The following TLN1 variants were observed in gnomAD, a reference collection of about 807,000 sequenced individuals.
TLN1 encodes the protein talin 1.
In TLN1, 56 loss-of-function variants were observed where a neutral mutation model predicts 292.3. The ratio of observed to expected loss-of-function variants is 0.19; its 90% CI spans 0.15 to 0.24. TLN1 has a LOEUF of 0.24. TLN1 is among the 10% of genes least tolerant of loss of function. The pLI is 1.00. For missense variants in TLN1, 2,433 were observed against 3,248.2 expected, an observed-to-expected ratio of 0.75 and a Z score of 6.10; for synonymous variants, 1,119 against 1,253.7, an observed-to-expected ratio of 0.89 and a Z score of 2.27.
rs1825735420 is a variant in TLN1, at chr9:35,714,202, C to T, written c.3120+37G>A. 3.1e-6 allele frequency: 5 copies of T among 1,597,032 alleles called. No homozygotes were observed. In the African/African-American group the frequency reaches 6.7e-5, roughly 21 times the overall value. Reference sequence around the variant, plus strand: ...CAGATTTCCTCTCATCACAGGACTCCAGCCTCATCTTCCAAAGCCAGAACC... The same window carrying T: ...CAGATTTCCTCTCATCACAGGACTCTAGCCTCATCTTCCAAAGCCAGAACC... On this transcript the variant is annotated intron_variant, in intron 24 of 56. Transcript: ENST00000314888. The surrounding 1 kb of genome is among the most constrained non-coding windows in gnomAD (Gnocchi z 4.6).
chr9:35,703,920 C>G lies in TLN1; in HGVS notation c.6232-20G>C. ...TACCACCTGTGTGGGAAAGCGTTGG[C>G]TCTGGTCTATGGGAGGAAGAAGCGG... is the stretch of plus-strand genomic sequence containing the variant. On this transcript the variant is annotated intron_variant, in intron 46 of 56. Transcript: ENST00000314888. 1 of 1,614,068 alleles carries G rather than the reference C, an allele frequency of 6.2e-7. No homozygotes were observed. Among genetic ancestry groups the G allele is most frequent in the Non-Finnish European group, 8.5e-7 (1 of 1,180,000 alleles).
Position 35,724,566 on chromosome 9 carries a change from G to T in TLN1, c.511+6C>A. The T allele has an allele frequency of 6.2e-7, 1 of 1,612,574 alleles. No homozygotes were observed. The highest frequency in any genetic ancestry group is 1.1e-5 in the South Asian group (1 of 90,888). ...CAAAAGCCCTCTTTTTTCTAGTTCT[G>T]CTTACACTCATCATCTGTGTGCAAT... On this transcript the variant is annotated splice_donor_region_variant and intron_variant, in intron 5 of 56. Coordinates refer to ENST00000314888, the MANE Select transcript of TLN1 (RefSeq NM_006289.4). The surrounding 1 kb of genome is among the most constrained non-coding windows in gnomAD (Gnocchi z 4.7).
Position 35,719,844 on chromosome 9 carries a change from G to T in TLN1, c.1474C>A (p.Gln492Lys), listed in dbSNP as rs1371353477. Residue 492 changes from glutamine to lysine, a missense_variant, in exon 14 of 57, where the codon CAG becomes AAG. Gln to Lys is a moderately conservative substitution (Grantham distance 53). Transcript: ENST00000314888. This position sits in a 1 kb window ranked among gnomAD's most constrained non-coding sequence, Gnocchi z 4.6. ...TTAATGGTTCCAGTGAGTGCCTGCT[G>T]GGCTGAAGTCTAAAGACAAGTGGGG... is the stretch of plus-strand genomic sequence containing the variant. Reference protein sequence around the residue: ...RGHMPPLTSAQQALTGTINSS... With the variant: ...RGHMPPLTSAKQALTGTINSS... The T allele has an allele frequency of 6.3e-7, 1 of 1,585,458 alleles. No individual in the cohort carries two copies. Among genetic ancestry groups the T allele is most frequent in the Admixed American group, 1.8e-5 (1 of 54,446 alleles).
In TLN1 at chr9:35,722,921, G is replaced by A; in HGVS notation, c.783C>T (p.Asp261=). The change falls in exon 8 of 57, where the codon GAC becomes GAT. Residue 261 remains aspartate, a splice_region_variant and synonymous_variant. Transcript: ENST00000314888. The stretch of plus-strand genomic sequence containing the variant: ...ACTCCTTGGGCAGGAAGTCCTTCAG[G>A]CTACACCAGAAAAGGGAGGGTCAGC... ...NEQKHKAGFL[D]LKDFLPKEYV... is the part of the protein sequence containing the mutation. 6.2e-7 allele frequency: 1 copy of A among 1,613,796 alleles called. No individual in the cohort carries two copies. The highest frequency in any genetic ancestry group is 1.1e-5 in the South Asian group (1 of 91,078).
intron 17 of TLN1, 104 bp downstream of exon 17, chr9:35,718,708 G>C: frequency 1.1e-6 from 1 of 945,804 alleles, no homozygotes. Context: ...GTTCAGATTG[G>C]TTTTTAGGGG....
rs1285521113 is a variant in TLN1, at chr9:35,719,182, G to A, written c.1788C>T (p.Ala596=). The A allele has an allele frequency of 6.2e-7, 1 of 1,614,212 alleles. No homozygotes were observed. Among genetic ancestry groups the A allele is most frequent in the African/African-American group, 1.3e-5 (1 of 75,068 alleles). The change falls in exon 16 of 57, where the codon GCC becomes GCT. Residue 596 remains alanine (A), a synonymous_variant. Coordinates refer to ENST00000314888, the MANE Select transcript of TLN1 (RefSeq NM_006289.4). This position sits in a 1 kb window ranked among gnomAD's most constrained non-coding sequence, Gnocchi z 4.6. The part of the protein sequence containing the change: ...EMSRGVKLLA[A]LLEDEGGSGR... ...CACTGCCGCCTTCGTCCTCCAGCAA[G>A]GCAGCCAGCAGCTTCACCCCACGGG...
chr9:35,712,775 C>G, intron 27 of TLN1, 60 bp downstream of exon 27: 2 of 1,457,602 alleles, frequency 1.4e-6, no homozygotes, highest in Non-Finnish European at 1.9e-6. Flanking sequence ...TGGCCTCAAT[C>G]AGGGTGGGCC....
chr9:35,712,971 G>A lies in TLN1; in HGVS notation c.3425C>T (p.Thr1142Met), dbSNP rs778948183. Residue 1142 changes from threonine to methionine, a missense_variant, in exon 27 of 57, where the codon ACG becomes ATG. By Grantham distance (81) the Thr-to-Met change is moderately conservative. Coordinates refer to ENST00000314888, the MANE Select transcript of TLN1 (RefSeq NM_006289.4). Reference sequence around the variant, plus strand: ...AATGGCCTGCACTGCAGGATCTGACGTCAGTGCAGCGACTCCCCTAGCGGC... The same window carrying A: ...AATGGCCTGCACTGCAGGATCTGACATCAGTGCAGCGACTCCCCTAGCGGC... Reference protein sequence around the residue: ...AQAARGVAALTSDPAVQAIVL... With the variant: ...AQAARGVAALMSDPAVQAIVL... 34 of 1,610,424 alleles carry A rather than the reference G, an allele frequency of 2.1e-5. No homozygotes were observed. Among genetic ancestry groups the A allele is most frequent in the East Asian group, 2.0e-4 (9 of 44,786 alleles).
chr9:35,717,223 G>A lies in TLN1; in HGVS notation c.2381C>T (p.Pro794Leu). Residue 794 changes from proline (P) to leucine (L), a missense_variant, in exon 19 of 57, where the codon CCT becomes CTT. Transcript: ENST00000314888. The surrounding 1 kb of genome is among the most constrained non-coding windows in gnomAD (Gnocchi z 4.7). ...AGTAGCCTGGTCATAACGGCCAGCA[G>A]GCCCAGCCCCTGTGGCATGGGCTTT... ...HVKAHATGAG[P>L]AGRYDQATDT... is the part of the protein sequence containing the mutation. 1.2e-6 allele frequency: 2 copies of A among 1,614,184 alleles called. No individual in the cohort carries two copies. The highest frequency in any genetic ancestry group is 1.1e-5 in the South Asian group (1 of 91,086).
At position 35,724,301 on chromosome 9, in the gene TLN1, T is replaced by C. The variant is rs1825929167; in HGVS notation, c.545A>G (p.Glu182Gly). The change falls in exon 6 of 57, where the codon GAG becomes GGG. Residue 182 changes from glutamate to glycine, a missense_variant. Coordinates refer to ENST00000314888, the MANE Select transcript of TLN1 (RefSeq NM_006289.4). The surrounding 1 kb of genome is among the most constrained non-coding windows in gnomAD (Gnocchi z 4.7). ...NWLDHGRTLREQGVEEHETLL... is the reference protein window; with the variant it reads ...NWLDHGRTLRGQGVEEHETLL... ...CGTCTCGTGCTCCTCTACACCCTGCTCCCTCAGTGTCCGACCATGGTCCAG... is the reference window on the plus strand; with the variant it reads ...CGTCTCGTGCTCCTCTACACCCTGCCCCCTCAGTGTCCGACCATGGTCCAG... 6.2e-7 allele frequency: 1 copy of C among 1,614,048 alleles called. No homozygotes were observed. The highest frequency in any genetic ancestry group is 8.5e-7 in the Non-Finnish European group (1 of 1,180,026).
intron 11 of TLN1, 38 bp from the exon 12 acceptor site, chr9:35,720,547 AAAG>A: frequency 6.2e-6 from 10 of 1,602,014 alleles, no homozygotes; most frequent in Non-Finnish European, 8.6e-6. Flanking sequence ...TGGGATAGTT[AAAG>A]AAGAGGGAAG....
In TLN1 at chr9:35,697,920, AG is replaced by A; in HGVS notation, c.7501-5del. On this transcript the variant is annotated splice_region_variant and splice_polypyrimidine_tract_variant and intron_variant, in intron 56 of 56. Transcript: ENST00000314888. ...TTTCTTCCTGTGCTGCGATGATCTG[AG>A]GGTGGAGATCGGGGACTTAGTTCAG... The A allele has an allele frequency of 6.2e-7, 1 of 1,614,022 alleles. No individual in the cohort carries two copies. The highest frequency in any genetic ancestry group is 8.5e-7 in the Non-Finnish European group (1 of 1,180,004).
At position 35,697,632 on chromosome 9, in the gene TLN1, G is replaced by A; in HGVS notation, c.*159C>T. 1 of 1,077,158 alleles carries A rather than the reference G, an allele frequency of 9.3e-7. No homozygotes were observed. 66.7% of individuals were successfully genotyped at this position (1,077,158 alleles called of 1,614,324 possible). A position where few individuals can be genotyped will look rare whatever the true frequency, so the allele number is the denominator to read the frequency against. ...GCACTTGGGGTTGGGGAGGGGACAG[G>A]GGATGTACTGCGGGACTGGGCGGGG... On this transcript the variant is annotated 3_prime_UTR_variant, in exon 57 of 57. Transcript: ENST00000314888.
Position 35,697,696 on chromosome 9 carries a change from G to C in TLN1, c.*95C>G. 2 of 1,542,028 alleles carry C rather than the reference G, an allele frequency of 1.3e-6. No individual in the cohort carries two copies. The highest frequency in any genetic ancestry group is 8.8e-7 in the Non-Finnish European group (1 of 1,141,396). On this transcript the variant is annotated 3_prime_UTR_variant, in exon 57 of 57. Coordinates refer to ENST00000314888, the MANE Select transcript of TLN1 (RefSeq NM_006289.4). ...TTTGGCAGGCACTTTGGGGAGTGCT[G>C]GGGTTGGGCAGGTTGGGCCCCGACA...
At position 35,715,118 on chromosome 9, in the gene TLN1, T is replaced by C. The variant is rs781573640; in HGVS notation, c.2695A>G (p.Met899Val). ...TTCTGCGCAGCTGCATTGGTGGCCA[T>C]GCGCAGCCCCTCAGCTGCCTCCCGC... is the stretch of plus-strand genomic sequence containing the variant. ...RLREAAEGLR[M>V]ATNAAAQNAI... Residue 899 changes from methionine (M) to valine (V), a missense_variant, in exon 21 of 57, where the codon ATG becomes GTG. By Grantham distance (21) the Met-to-Val change is conservative. Coordinates refer to ENST00000314888, the MANE Select transcript of TLN1 (RefSeq NM_006289.4). 3.1e-6 allele frequency: 5 copies of C among 1,613,344 alleles called. No individual in the cohort carries two copies. Among genetic ancestry groups the C allele is most frequent in the Non-Finnish European group, 4.2e-6 (5 of 1,180,044 alleles).
At chr9:35,711,117 T>G in intron 30 of TLN1, 35 bp from the exon 31 acceptor site, 1 of 1,612,466 alleles carries the variant, frequency 6.2e-7, no homozygotes, top group Non-Finnish European at 8.5e-7. Context: ...AAAAGGTGAA[T>G]AGGTCATCAT....
chr9:35,706,584 G>A lies in TLN1; in HGVS notation c.5089-33C>T, dbSNP rs936138545. The A allele has an allele frequency of 1.2e-6, 2 of 1,608,080 alleles. No individual in the cohort carries two copies. Among genetic ancestry groups the A allele is most frequent in the African/African-American group, 1.3e-5 (1 of 74,900 alleles). On this transcript the variant is annotated intron_variant, in intron 38 of 56. Coordinates refer to ENST00000314888, the MANE Select transcript of TLN1 (RefSeq NM_006289.4). The surrounding 1 kb of genome is among the most constrained non-coding windows in gnomAD (Gnocchi z 4.2). ...GGAAGTGGACATTAGCCCTGATGGT[G>A]ACCTGCAATAGGACCCTCTGGCTAC... is the stretch of plus-strand genomic sequence containing the variant.
Position 35,712,045 on chromosome 9 carries a change from C to T in TLN1, c.3641G>A (p.Arg1214Lys), listed in dbSNP as rs202140727. 4.8e-5 allele frequency: 78 copies of T among 1,614,120 alleles called. No homozygotes were observed. Among genetic ancestry groups the T allele is most frequent in the Non-Finnish European group, 3.6e-5 (43 of 1,180,014 alleles). Residue 1214 changes from arginine to lysine, a missense_variant, in exon 28 of 57, where the codon AGG (arginine) becomes AAG (lysine). Physicochemically the swap from Arg to Lys is conservative, Grantham distance 26 (BLOSUM62 2). Transcript: ENST00000314888. ...PGQRDVDNAL[R>K]AVGDASKRLL... ...TCGCTTGCTGGCATCTCCAACTGCC[C>T]TCAGGGCATTATCCACATCGCGCTG... is the stretch of plus-strand genomic sequence containing the variant.
chr9:35,704,299 G>T lies in TLN1; in HGVS notation c.6047+33C>A, dbSNP rs1378924509. The stretch of plus-strand genomic sequence containing the variant: ...CTCTTCCAGCCCCGTGCCCCGACCT[G>T]TCTGCCTCCCTTAGGCCCAGTTCCT... On this transcript the variant is annotated intron_variant, in intron 45 of 56. Transcript: ENST00000314888. This position sits in a 1 kb window ranked among gnomAD's most constrained non-coding sequence, Gnocchi z 6.9. 6.2e-7 allele frequency: 1 copy of T among 1,604,574 alleles called. No homozygotes were observed. The highest frequency in any genetic ancestry group is 8.5e-7 in the Non-Finnish European group (1 of 1,174,642).
Sources: gnomAD v4.1 joint callset for allele counts on GRCh38, gnomAD v4.1.1 for gene constraint, Gnocchi (gnomAD v3.1) non-coding constraint, MANE v1.5 for transcripts, NCBI Gene and HGNC (gene_info 2026-07-23, HGNC 2026-07-21) for gene names.